Variants in GLYR1 observed in about 807,000 individuals in gnomAD.
GLYR1 encodes glyoxylate reductase 1 homolog.
Under a neutral mutation model 72.7 loss-of-function variants are expected in GLYR1, and 21 were observed. That is an observed-to-expected ratio of 0.29 (90% CI 0.20 to 0.42). The LOEUF (loss-of-function observed/expected upper bound fraction) is 0.42. Ranked by LOEUF, GLYR1 falls within the 10% of genes least tolerant of loss-of-function variation. The pLI, the probability that GLYR1 is intolerant of heterozygous loss-of-function variation, is 1.00. For missense variants in GLYR1, 594 were observed against 712.1 expected (o/e 0.83, Z 1.89); for synonymous variants, 392 against 270.2 (o/e 1.45, Z -4.42).
intron 3 of GLYR1, 173 bp from the exon 4 acceptor site, chr16:4,833,085 A>G (rs573972132): frequency 4.0e-6 from 2 of 498,498 alleles, no homozygotes; most frequent in Admixed American, 8.4e-5. Context: ...TTATGTCTAA[A>G]GTATATTTTC....
rs1400525986 is a variant in GLYR1, at chr16:4,822,940, A to G, written c.625-9T>C. On this transcript the variant is annotated splice_polypyrimidine_tract_variant and intron_variant, in intron 6 of 15. Coordinates refer to ENST00000321919, the MANE Select transcript of GLYR1 (RefSeq NM_032569.4). Reference sequence around the variant, plus strand: ...TCTGCATCTTTAACAGGCTGAAACCAGAAAACAGTGAAATAAAACCAGTTA... The same window carrying G: ...TCTGCATCTTTAACAGGCTGAAACCGGAAAACAGTGAAATAAAACCAGTTA... The G allele has an allele frequency of 6.2e-7, 1 of 1,613,704 alleles. No individual in the cohort carries two copies. Among genetic ancestry groups the G allele is most frequent in the African/African-American group, 1.3e-5 (1 of 75,076 alleles).
rs749350014 is a variant in GLYR1, at chr16:4,832,140, T to G, written c.376A>C (p.Lys126Gln). ...ERSRPNSGDEKRKLSLSEGKV... is the reference protein window; with the variant it reads ...ERSRPNSGDEQRKLSLSEGKV... ...CCTTCAGACAGGCTAAGTTTGCGCT[T>G]CTCATCACCTGAGTTTGGCCTACTT... Residue 126 changes from lysine to glutamine, a missense_variant, in exon 5 of 16, where the codon AAG becomes CAG. Around this residue, in one of 5 missense-constraint regions of GLYR1, gnomAD observed 252 missense variants for 211.3 expected, o/e 1.19. Coordinates refer to ENST00000321919, the MANE Select transcript of GLYR1 (RefSeq NM_032569.4). 20 of 1,614,212 alleles carry G rather than the reference T, an allele frequency of 1.2e-5. No individual in the cohort carries two copies. Among genetic ancestry groups the G allele is most frequent in the Non-Finnish European group, 1.6e-5 (19 of 1,180,042 alleles).
At chr16:4,818,561 G>C (rs753863598) in intron 9 of GLYR1, among the ~76,000 whole-genome samples, 1 of 152,150 alleles carries the variant, frequency 6.6e-6, no homozygotes, top group African/African-American at 2.4e-5. Context: ...GGGGTTGCAG[G>C]TGTGAACCAC....
At chr16:4,811,488 G>C in intron 14 of GLYR1, 135 bp downstream of exon 14, 1 of 1,289,492 alleles carries the variant, frequency 7.8e-7, no homozygotes. Context: ...CCCGCCCACT[G>C]TGTTTCTGAA....
intron 12 of GLYR1, 88 bp downstream of exon 12, chr16:4,813,649 G>A: frequency 8.7e-7 from 1 of 1,149,804 alleles, no homozygotes; most frequent in Non-Finnish European, 1.3e-6. Context: ...TTTGGCTCTA[G>A]AGTAACTTAA....
chr16:4,828,620 T>C (rs1412421150), intron 5 of GLYR1, among the ~76,000 whole-genome samples: 1 of 151,942 alleles, frequency 6.6e-6, no homozygotes, highest in African/African-American at 2.4e-5. Context: ...GCCTCTGGGG[T>C]TCTCACTGTA....
At chr16:4,836,087 C>T (rs558230697) in intron 3 of GLYR1, among the ~76,000 whole-genome samples, 1 of 152,314 alleles carries the variant, frequency 6.6e-6, no homozygotes, top group African/African-American at 2.4e-5. Flanking sequence ...GTATGAGCCA[C>T]TGCAACTGGC....
At chr16:4,817,933 C>T (rs1342251541) in intron 9 of GLYR1, 2 of 487,574 alleles carry the variant, frequency 4.1e-6, no homozygotes, top group East Asian at 7.4e-5. Context: ...AAACCCCTGA[C>T]TGTCACAGAA....
chr16:4,813,972 A>G (rs2083472439), intron 11 of GLYR1, 134 bp from the exon 12 acceptor site: 4 of 625,664 alleles, frequency 6.4e-6, no homozygotes, highest in East Asian at 3.0e-5. Flanking sequence ...AGGGAAGAAC[A>G]ATGAAATAAG....
At chr16:4,805,716 G>A (rs2082927639) in intron 15 of GLYR1, among the ~76,000 whole-genome samples, 2 of 152,212 alleles carry the variant, frequency 1.3e-5, no homozygotes, top group Non-Finnish European at 2.9e-5. Context: ...AGTGGCTCAT[G>A]CCTGTAATCC....
intron 3 of GLYR1, among the ~76,000 whole-genome samples, chr16:4,836,992 T>C (rs2085178649): frequency 6.6e-6 from 1 of 152,182 alleles, no homozygotes; most frequent in Non-Finnish European, 1.5e-5. Flanking sequence ...TTTACCCTGG[T>C]GACCTGACAC....
chr16:4,814,398 A>C, intron 11 of GLYR1, 139 bp downstream of exon 11: 2 of 688,874 alleles, frequency 2.9e-6, no homozygotes, highest in Admixed American at 2.2e-5. Context: ...CACCCTTCAC[A>C]ATGGGAGATG....
At chr16:4,817,746 G>T in intron 9 of GLYR1, 49 bp from the exon 10 acceptor site, 1 of 1,127,968 alleles carries the variant, frequency 8.9e-7, no homozygotes, top group Non-Finnish European at 1.4e-6. Flanking sequence ...GGAGGGTCAC[G>T]GTGATGATGA....
rs1055753736 is a variant in GLYR1, at chr16:4,804,173, G to C, written c.*1063C>G. The C allele has an allele frequency of 6.6e-6, 1 of 152,482 alleles. No homozygotes were observed. The highest frequency in any genetic ancestry group is 2.4e-5 in the African/African-American group (1 of 41,444). 9.4% of individuals were successfully genotyped at this position (152,482 alleles called of 1,614,324 possible). On this transcript the variant is annotated 3_prime_UTR_variant, in exon 16 of 16. Coordinates refer to ENST00000321919, the MANE Select transcript of GLYR1 (RefSeq NM_032569.4). ...TCTGGGCCAAAGGGACAGACAGAAA[G>C]AAATACTGTCTCCACGGGAGGAAGA...
rs555924094 is a variant in GLYR1 at position 4,804,452 on chromosome 16, G to C, written c.*784C>G. 6.5e-6 allele frequency: 1 copy of C among 152,938 alleles called. No individual in the cohort carries two copies. The highest frequency in any genetic ancestry group is 1.5e-5 in the Non-Finnish European group (1 of 68,304). 9.5% of individuals were successfully genotyped at this position (152,938 alleles called of 1,614,324 possible). A position where few individuals can be genotyped will look rare whatever the true frequency, so the allele number is the denominator to read the frequency against. On this transcript the variant is annotated 3_prime_UTR_variant, in exon 16 of 16. Transcript: ENST00000321919. Reference sequence around the variant, plus strand: ...ATACTAAAACAGCCTAGGGAGGAGCGAGCGCCCGCTGTGGCAGTGGCATCT... The same window carrying C: ...ATACTAAAACAGCCTAGGGAGGAGCCAGCGCCCGCTGTGGCAGTGGCATCT...
chr16:4,808,898 C>T (rs1221699561), intron 15 of GLYR1, among the ~76,000 whole-genome samples: 1 of 151,956 alleles, frequency 6.6e-6, no homozygotes, highest in East Asian at 1.9e-4. Context: ...CCTAGGAAGT[C>T]AAGGCTGCAG....
At chr16:4,831,627 C>G (rs923225927) in intron 5 of GLYR1, among the ~76,000 whole-genome samples, 6 of 152,242 alleles carry the variant, frequency 3.9e-5, no homozygotes, top group Admixed American at 3.3e-4. Flanking sequence ...TACTTTACAC[C>G]TGCATCCAGG....
intron 14 of GLYR1, 39 bp from the exon 15 acceptor site, chr16:4,811,333 C>A: frequency 6.2e-7 from 1 of 1,610,628 alleles, no homozygotes; most frequent in Non-Finnish European, 8.5e-7. Context: ...AAGCCAAGGA[C>A]CTGAAACTAA....
rs759381337 is a variant in GLYR1, at chr16:4,832,731, C to T, written c.294+43G>A. ...AATCTGTTAGTTGCTATGCAAAAAT[C>T]ACCAGTCTGGCATTGGTAGAAAGTG... On this transcript the variant is annotated intron_variant, in intron 4 of 15. Coordinates refer to ENST00000321919, the MANE Select transcript of GLYR1 (RefSeq NM_032569.4). 20 of 1,561,592 alleles carry T rather than the reference C, an allele frequency of 1.3e-5. 1 individual carries two copies. The South Asian group carries it at 2.3e-4, about 18-fold the overall frequency.
Sources: gnomAD v4.1 joint callset for allele counts (sites outside exome capture counted in the v4.1 genomes callset) on GRCh38, gnomAD v4.1.1 for gene constraint, gnomAD v4.1.1 regional missense constraint, MANE v1.5 for transcripts, NCBI Gene and HGNC (gene_info 2026-07-23, HGNC 2026-07-21) for gene names.